The following PRICKLE1 variants were observed in gnomAD, a reference collection of about 807,000 sequenced individuals.
The protein encoded by PRICKLE1 is prickle planar cell polarity protein 1.
In PRICKLE1, 14 loss-of-function variants were observed where a neutral mutation model predicts 70.2. That is an observed-to-expected ratio of 0.20 (90% confidence interval 0.13 to 0.31). PRICKLE1 has a LOEUF of 0.31. PRICKLE1 is among the 10% of genes least tolerant of loss of function. The probability of loss-of-function intolerance (pLI) is 1.00; values close to 1 mark genes in which losing one functional copy is unlikely to be tolerated. For synonymous variants in PRICKLE1, 357 were observed against 379.9 expected, an observed-to-expected ratio of 0.94 and a Z score of 0.70; for missense variants, 821 against 1,026.2, an observed-to-expected ratio of 0.80 and a Z score of 2.73.
chr12:42,503,813 T>C (rs1939357392), intron 1 of PRICKLE1, among the ~76,000 whole-genome samples: 1 of 152,220 alleles, frequency 6.6e-6, no homozygotes, highest in South Asian at 2.1e-4. Flanking sequence ...AATAAAGGGA[T>C]GAATGCTAGG....
At chr12:42,482,472 T>C (rs187785748) in intron 1 of PRICKLE1, among the ~76,000 whole-genome samples, 1 of 152,334 alleles carries the variant, frequency 6.6e-6, no homozygotes, top group African/African-American at 2.4e-5. Flanking sequence ...CTATTGATTT[T>C]TTGGATTTCT....
At chr12:42,524,347 C>T (rs1939763872) in intron 1 of PRICKLE1, among the ~76,000 whole-genome samples, 1 of 152,072 alleles carries the variant, frequency 6.6e-6, no homozygotes, top group African/African-American at 2.4e-5. Flanking sequence ...AATCAAAGGA[C>T]CTGAAATAAT....
In PRICKLE1 at chr12:42,573,021, T is replaced by A. The variant is rs377529493; in HGVS notation, c.-49+16444A>T. Among the ~76,000 whole-genome samples the A allele has an allele frequency of 8.7e-4, 120 of 137,626 alleles. 1 individual carries two copies. The highest frequency in any genetic ancestry group is 2.4e-3 in the Admixed American group (34 of 14,346). The allele number at this position is 137,626 out of a possible 152,430, so 90.3% of individuals were successfully genotyped here. On this transcript the variant is annotated intron_variant, in intron 1 of 7. Transcript: ENST00000345127. ...CTCAGTTTCTTGTATGTTTAAAAAA[T>A]TTTTTTTTAAATCAGTTAATCCAGT... is the stretch of plus-strand genomic sequence containing the variant.
At chr12:42,574,328 A>G (rs1397066549) in intron 1 of PRICKLE1, among the ~76,000 whole-genome samples, 1 of 152,200 alleles carries the variant, frequency 6.6e-6, no homozygotes, top group Admixed American at 6.5e-5. Flanking sequence ...CTTCCAGATA[A>G]TCTTGTGTTT....
rs1479858272 is a variant in PRICKLE1 at position 42,498,895 on chromosome 12, GT to G, written c.-48-26332del. 3.3e-5 allele frequency among the ~76,000 whole-genome samples: 5 copies of G among 152,128 alleles called. No homozygotes were observed. In the East Asian group the frequency reaches 9.6e-4, roughly 29 times the overall value. On this transcript the variant is annotated intron_variant, in intron 1 of 7. Transcript: ENST00000345127. ...TTTGTTCAGGATGGATCCAGGAAAT[GT>G]TCCCTGAAGCCCCATCAGACCAAGG...
intron 1 of PRICKLE1, among the ~76,000 whole-genome samples, chr12:42,533,359 C>T (rs1939957824): frequency 3.3e-5 from 5 of 152,034 alleles, no homozygotes; most frequent in Non-Finnish European, 7.4e-5. Flanking sequence ...GAACCTTATC[C>T]CTGAAAAATT....
At chr12:42,557,210 T>C (rs1012013062) in intron 1 of PRICKLE1, among the ~76,000 whole-genome samples, 1 of 152,126 alleles carries the variant, frequency 6.6e-6, no homozygotes, top group African/African-American at 2.4e-5. Flanking sequence ...GCTAAAATAA[T>C]GGTTGAAGGC....
chr12:42,546,211 C>T (rs139385628), intron 1 of PRICKLE1, among the ~76,000 whole-genome samples: 1 of 152,098 alleles, frequency 6.6e-6, no homozygotes, highest in African/African-American at 2.4e-5. Flanking sequence ...ACTCCCACCT[C>T]ATTAATATGT....
At chr12:42,485,247 T>G (rs928157808) in intron 1 of PRICKLE1, 6 of 120,426 alleles carry the variant, frequency 5.0e-5, no homozygotes, top group African/African-American at 2.2e-4. Context: ...AAGTTTTTTT[T>G]TTTTTTTTTT....
intron 1 of PRICKLE1, among the ~76,000 whole-genome samples, chr12:42,527,789 C>A (rs964398640): frequency 5.9e-5 from 9 of 151,498 alleles, no homozygotes; most frequent in Admixed American, 5.9e-4. Flanking sequence ...AAAAAAAATT[C>A]TTTAAATAAG....
chr12:42,527,825 G>A (rs1405026340), intron 1 of PRICKLE1, among the ~76,000 whole-genome samples: 2 of 150,284 alleles, frequency 1.3e-5, no homozygotes, highest in African/African-American at 4.9e-5. Flanking sequence ...ACTGATATTG[G>A]GAAGAATGGG....
intron 1 of PRICKLE1, among the ~76,000 whole-genome samples, chr12:42,516,478 G>T (rs1292950614): frequency 2.0e-5 from 3 of 152,080 alleles, no homozygotes; most frequent in African/African-American, 7.2e-5. Context: ...GTCCATGAAG[G>T]TTCCTTTTTT....
rs1478828188 is a variant in PRICKLE1 at position 42,474,202 on chromosome 12, G to A, written c.-48-1638C>T. ...CAGGAGAATCGCTTGAAACCGGGAG[G>A]CGGAGGTTGCAGTGAGCTGAGATTG... is the stretch of plus-strand genomic sequence containing the variant. On this transcript the variant is annotated intron_variant, in intron 1 of 7. Coordinates refer to ENST00000345127, the MANE Select transcript of PRICKLE1 (RefSeq NM_153026.3). 2.6e-5 allele frequency among the ~76,000 whole-genome samples: 4 copies of A among 152,194 alleles called. No homozygotes were observed. The East Asian group carries it at 7.7e-4, about 29-fold the overall frequency.
chr12:42,470,598 T>C (rs1938280785), intron 2 of PRICKLE1, among the ~76,000 whole-genome samples: 1 of 152,156 alleles, frequency 6.6e-6, no homozygotes, highest in African/African-American at 2.4e-5. Context: ...TTATGCACCA[T>C]AAAATATGCA....
intron 2 of PRICKLE1, among the ~76,000 whole-genome samples, chr12:42,470,900 C>T (rs556329809): frequency 1.8e-4 from 27 of 149,112 alleles, no homozygotes; most frequent in South Asian, 1.5e-3. Flanking sequence ...AGCAAGAATC[C>T]GTCTCAAAAA....
intron 1 of PRICKLE1, among the ~76,000 whole-genome samples, chr12:42,569,713 TG>T (rs1469002445): frequency 1.3e-5 from 2 of 152,230 alleles, no homozygotes; most frequent in Non-Finnish European, 2.9e-5. Flanking sequence ...CAATTAAACA[TG>T]ACCCTCAAAA....
At chr12:42,510,599 T>C (rs1002727152) in intron 1 of PRICKLE1, among the ~76,000 whole-genome samples, 1 of 151,888 alleles carries the variant, frequency 6.6e-6, no homozygotes, top group Non-Finnish European at 1.5e-5. Flanking sequence ...TTTTTAAAGG[T>C]TTTTAATTGG....
intron 2 of PRICKLE1, among the ~76,000 whole-genome samples, chr12:42,471,950 GA>G (rs1220228348): frequency 3.3e-5 from 5 of 152,196 alleles, no homozygotes; most frequent in Non-Finnish European, 7.3e-5. Flanking sequence ...GAGGGTTTCT[GA>G]TAGCTCACTA....
chr12:42,567,854 T>C (rs946569272), intron 1 of PRICKLE1, among the ~76,000 whole-genome samples: 2 of 150,414 alleles, frequency 1.3e-5, no homozygotes, highest in Non-Finnish European at 2.9e-5. Context: ...GGGATACACA[T>C]TCCACATTCC....
Sources: allele counts gnomAD v4.1 joint callset (sites outside exome capture counted in the v4.1 genomes callset), GRCh38; gene constraint gnomAD v4.1.1; transcripts MANE v1.5; gene names NCBI Gene and HGNC (gene_info 2026-07-23, HGNC 2026-07-21).